The following PGR variants were observed in gnomAD, a reference collection of about 807,000 sequenced individuals.
The protein encoded by PGR is nuclear receptor subfamily 3 group C member 3.
In PGR, 25 loss-of-function variants were observed where a neutral mutation model predicts 76.1. That is an observed-to-expected ratio of 0.33 (90% CI 0.24 to 0.46). The LOEUF (loss-of-function observed/expected upper bound fraction) is 0.46. Ranked by LOEUF, PGR falls within the 20% of genes least tolerant of loss-of-function variation. PGR has a pLI of 1.00. For synonymous variants in PGR, 579 were observed against 535.0 expected, an observed-to-expected ratio of 1.08 and a Z score of -1.14; for missense variants, 1,172 against 1,225.3, an observed-to-expected ratio of 0.96 and a Z score of 0.65.
chr11:101,087,837 T>C (rs1861544756), intron 3 of PGR, among the ~76,000 whole-genome samples: 1 of 151,996 alleles, frequency 6.6e-6, no homozygotes, highest in South Asian at 2.1e-4. Flanking sequence ...AAATGCTCCA[T>C]ATCACTAATC....
At chr11:101,064,964 C>T (rs1301217446) in intron 3 of PGR, among the ~76,000 whole-genome samples, 1 of 152,136 alleles carries the variant, frequency 6.6e-6, no homozygotes, top group African/African-American at 2.4e-5. Context: ...GTTTGTAGCC[C>T]AGGAGCAATG....
At chr11:101,044,759 T>G (rs1483550761) in intron 6 of PGR, among the ~76,000 whole-genome samples, 1 of 147,160 alleles carries the variant, frequency 6.8e-6, no homozygotes, top group African/African-American at 2.6e-5. Context: ...CAGGCTGGAG[T>G]TCAGTGGCAC....
chr11:101,085,442 A>T (rs1382684946), intron 3 of PGR, among the ~76,000 whole-genome samples: 1 of 149,498 alleles, frequency 6.7e-6, no homozygotes, highest in Non-Finnish European at 1.5e-5. Context: ...CAATATTAAG[A>T]GGAGAGTTTA....
rs760525359 is a variant in PGR, at chr11:101,127,472, G to T, written c.1599C>A (p.Gly533=). The T allele has an allele frequency of 1.3e-6, 2 of 1,560,288 alleles. No homozygotes were observed. Among genetic ancestry groups the T allele is most frequent in the South Asian group, 2.4e-5 (2 of 84,928 alleles). Residue 533 remains glycine (G), a synonymous_variant, in exon 1 of 8, where the codon GGC becomes GGA. Coordinates refer to ENST00000325455, the MANE Select transcript of PGR (RefSeq NM_000926.4). The part of the protein sequence containing the change: ...LGYQAAVLKE[G]LPQVYPPYLN... The stretch of plus-strand genomic sequence containing the variant: ...GATAGGGCGGGTAGACCTGCGGCAG[G>T]CCCTCCTTGAGCACGGCGGCCTGGT...
At chr11:101,049,227 G>A (rs569142095) in intron 6 of PGR, among the ~76,000 whole-genome samples, 2 of 152,026 alleles carry the variant, frequency 1.3e-5, no homozygotes, top group South Asian at 2.1e-4. Flanking sequence ...AGGTCTTCAG[G>A]GGGCAGTAAC....
At chr11:101,084,349 A>G (rs900968996) in intron 3 of PGR, among the ~76,000 whole-genome samples, 2 of 152,158 alleles carry the variant, frequency 1.3e-5, no homozygotes, top group Admixed American at 6.5e-5. Flanking sequence ...GACTAATACA[A>G]TGTCCCATTT....
chr11:101,045,002 C>T (rs1463250936), intron 6 of PGR, among the ~76,000 whole-genome samples: 1 of 152,060 alleles, frequency 6.6e-6, no homozygotes, highest in Non-Finnish European at 1.5e-5. Context: ...CCACCATGCC[C>T]AGCCTTGGCC....
intron 2 of PGR, among the ~76,000 whole-genome samples, chr11:101,120,944 A>G (rs1391184570): frequency 6.6e-6 from 1 of 152,200 alleles, no homozygotes; most frequent in Non-Finnish European, 1.5e-5. Flanking sequence ...CTGAAAGAGT[A>G]TTAAAAATCT....
chr11:101,056,409 C>A (rs1860293699), intron 4 of PGR, among the ~76,000 whole-genome samples: 1 of 151,934 alleles, frequency 6.6e-6, no homozygotes. Context: ...GGAGGCGAGG[C>A]AGGAGAGTCA....
chr11:101,045,147 T>C (rs891071680), intron 6 of PGR, among the ~76,000 whole-genome samples: 4 of 152,190 alleles, frequency 2.6e-5, no homozygotes, highest in African/African-American at 9.6e-5. Flanking sequence ...TACAAACTTA[T>C]GAAAAACAAA....
At chr11:101,065,592 T>A (rs1860682645) in intron 3 of PGR, among the ~76,000 whole-genome samples, 1 of 152,168 alleles carries the variant, frequency 6.6e-6, no homozygotes, top group Admixed American at 6.5e-5. Flanking sequence ...CAGTTTAGAA[T>A]GACTTTGTAT....
intron 3 of PGR, among the ~76,000 whole-genome samples, chr11:101,074,955 T>G (rs1212064057): frequency 6.6e-6 from 1 of 152,048 alleles, no homozygotes; most frequent in African/African-American, 2.4e-5. Context: ...ACTTTCTTCA[T>G]AGAATTAGAA....
At chr11:101,109,756 T>C (rs138746287) in intron 2 of PGR, among the ~76,000 whole-genome samples, 19 of 152,248 alleles carry the variant, frequency 1.2e-4, no homozygotes, top group African/African-American at 4.6e-4. Flanking sequence ...AAACAACAGA[T>C]TTTCAATGTA....
intron 3 of PGR, among the ~76,000 whole-genome samples, chr11:101,083,248 G>T (rs966844270): frequency 6.6e-6 from 1 of 152,228 alleles, no homozygotes; most frequent in Non-Finnish European, 1.5e-5. Flanking sequence ...TTGAGGTTTG[G>T]AAACCTCCAC....
chr11:101,077,135 T>C (rs924997215), intron 3 of PGR, among the ~76,000 whole-genome samples: 22 of 152,208 alleles, frequency 1.4e-4, no homozygotes, highest in Middle Eastern at 6.8e-3. Context: ...TATTTTTCTT[T>C]TATTATATCA....
chr11:101,051,439 T>A lies in PGR; in HGVS notation c.2342A>T (p.Asp781Val). Residue 781 changes from aspartate (D) to valine (V), a missense_variant, in exon 5 of 8, where the codon GAT (aspartate) becomes GTT (valine). By Grantham distance (152) the Asp-to-Val change is radical. Coordinates refer to ENST00000325455, the MANE Select transcript of PGR (RefSeq NM_000926.4). ...TACTACTTACTCATTTAGTATTAGA[T>A]CAGGTGCAAAATACAGCATCTGCCC... ...VSGQMLYFAPDLILNEQRMKE... is the reference protein window; with the variant it reads ...VSGQMLYFAPVLILNEQRMKE... 1 of 1,607,558 alleles carries A rather than the reference T, an allele frequency of 6.2e-7. No individual in the cohort carries two copies. Among genetic ancestry groups the A allele is most frequent in the Non-Finnish European group, 8.5e-7 (1 of 1,174,436 alleles).
intron 2 of PGR, among the ~76,000 whole-genome samples, chr11:101,112,436 C>A (rs947613625): frequency 1.1e-4 from 16 of 152,164 alleles, no homozygotes; most frequent in African/African-American, 3.6e-4. Context: ...GGAGAGAGGG[C>A]TGGACTTGAG....
chr11:101,073,963 C>T (rs916867005), intron 3 of PGR, among the ~76,000 whole-genome samples: 3 of 152,100 alleles, frequency 2.0e-5, no homozygotes, highest in Admixed American at 6.5e-5. Context: ...AAGAGGGAAT[C>T]CTCCCTAACT....
intron 5 of PGR, 92 bp from the exon 6 acceptor site, chr11:101,050,151 T>C: frequency 7.8e-7 from 1 of 1,286,724 alleles, no homozygotes; most frequent in South Asian, 1.2e-5. Context: ...AATATGGTTT[T>C]GGTAATTACC....
Sources: allele counts gnomAD v4.1 joint callset (sites outside exome capture counted in the v4.1 genomes callset), GRCh38; gene constraint gnomAD v4.1.1; transcripts MANE v1.5; gene names NCBI Gene and HGNC (gene_info 2026-07-23, HGNC 2026-07-21).